RAPGEF2: variants seen among roughly 807,000 people sequenced by gnomAD.
RAPGEF2 encodes PDZ domain containing guanine nucleotide exchange factor (GEF) 1.
A neutral mutation model predicts 186.7 loss-of-function variants in RAPGEF2; 54 were observed. That is an observed-to-expected ratio of 0.29 (90% CI 0.23 to 0.36). RAPGEF2 has a LOEUF of 0.36. Ranked by LOEUF, RAPGEF2 falls within the 10% of genes least tolerant of loss-of-function variation. RAPGEF2 has a pLI of 1.00. For missense variants in RAPGEF2, 1,532 were observed against 2,045.0 expected (o/e 0.75, Z 4.84); for synonymous variants, 712 against 705.9 (o/e 1.01, Z -0.14).
At chr4:159,131,519 A>ATTGGTTTTTTTTT in intron 1 of RAPGEF2, among the ~76,000 whole-genome samples, 2 of 37,214 alleles carry the variant, frequency 5.4e-5, no homozygotes, top group African/African-American at 2.4e-4. Flanking sequence ...ATTAATTGCT[A>ATTGGTTTTTTTTT]TTTTTTTTTT....
intron 4 of RAPGEF2, among the ~76,000 whole-genome samples, chr4:159,215,147 G>A (rs983978305): frequency 2.0e-5 from 3 of 151,898 alleles, no homozygotes; most frequent in Non-Finnish European, 4.4e-5. Context: ...ACAGGTGTGA[G>A]CCACTGCCAG....
chr4:159,109,575 A>T lies in RAPGEF2; in HGVS notation c.69+5344A>T, dbSNP rs2111056595. On this transcript the variant is annotated intron_variant, in intron 1 of 29. Transcript: ENST00000691494. ...TATTTTATACAATTTCTATTATTTAACAGGCCTTGGGAATTCAAAGATGAA... is the reference window on the plus strand; with the variant it reads ...TATTTTATACAATTTCTATTATTTATCAGGCCTTGGGAATTCAAAGATGAA... 2.0e-5 allele frequency among the ~76,000 whole-genome samples: 3 copies of T among 152,302 alleles called. 1 individual carries two copies. The Middle Eastern group carries it at 0.01, about 518-fold the overall frequency.
chr4:159,128,138 G>C (rs147917615), intron 1 of RAPGEF2, among the ~76,000 whole-genome samples: 1,584 of 152,040 alleles, frequency 0.01, 28 homozygotes, highest in African/African-American at 0.035. Context: ...TAAATTGTAC[G>C]TTCTATTTCA....
At chr4:159,126,774 G>A (rs549540872) in intron 1 of RAPGEF2, among the ~76,000 whole-genome samples, 3 of 152,188 alleles carry the variant, frequency 2.0e-5, no homozygotes, top group South Asian at 4.2e-4. Flanking sequence ...AGAGCTACAA[G>A]AGGAAAAATG....
intron 3 of RAPGEF2, among the ~76,000 whole-genome samples, chr4:159,200,052 C>G (rs1346091818): frequency 1.3e-5 from 2 of 151,918 alleles, no homozygotes; most frequent in Non-Finnish European, 2.9e-5. Flanking sequence ...TGTAATCTCT[C>G]TCTCTCTCTA....
In RAPGEF2 at chr4:159,124,088, C is replaced by T. The variant is rs1401824975; in HGVS notation, c.69+19857C>T. ...CCAGGCTGTTCTCAACTCCTGACCT[C>T]AGGTGATCTGCCTGCCTCCATCTCC... On this transcript the variant is annotated intron_variant, in intron 1 of 29. Transcript: ENST00000691494. 6.6e-5 allele frequency among the ~76,000 whole-genome samples: 10 copies of T among 151,560 alleles called. No homozygotes were observed. In the East Asian group the frequency reaches 2.0e-3, roughly 30 times the overall value.
chr4:159,331,509 G>C lies in RAPGEF2; in HGVS notation c.1546G>C (p.Glu516Gln). The C allele has an allele frequency of 6.2e-7, 1 of 1,613,190 alleles. No homozygotes were observed. The highest frequency in any genetic ancestry group is 2.2e-5 in the East Asian group (1 of 44,856). The change falls in exon 14 of 30, where the codon GAA becomes CAA. Residue 516 changes from glutamate (E) to glutamine (Q), a missense_variant. Glu to Gln is a conservative substitution (Grantham distance 29). Transcript: ENST00000691494. ...AGATCCTGCAATGACTCGATTTTTA[G>C]AAGAATTTGAAAACAATCTGGAAAG... ...EGDPAMTRFL[E>Q]EFENNLEREK...
chr4:159,185,109 G>T (rs184184533), intron 1 of RAPGEF2, among the ~76,000 whole-genome samples: 1 of 152,152 alleles, frequency 6.6e-6, no homozygotes, highest in Non-Finnish European at 1.5e-5. Flanking sequence ...TTGGGGAAAT[G>T]CAAGTCAATA....
intron 3 of RAPGEF2, among the ~76,000 whole-genome samples, chr4:159,201,466 C>A (rs1482440254): frequency 2.0e-5 from 3 of 152,146 alleles, no homozygotes; most frequent in Non-Finnish European, 2.9e-5. Context: ...ACATTGAAAA[C>A]CTCTGATCTC....
intron 26 of RAPGEF2, chr4:159,352,307 A>G (rs1580067365): frequency 1.2e-5 from 2 of 166,690 alleles, no homozygotes; most frequent in Middle Eastern, 5.9e-3. Flanking sequence ...TGAAAACAAG[A>G]TCAGTGGCTT....
chr4:159,183,403 A>G (rs1747223151), intron 1 of RAPGEF2, among the ~76,000 whole-genome samples: 1 of 152,238 alleles, frequency 6.6e-6, no homozygotes, highest in Admixed American at 6.5e-5. Flanking sequence ...TTCACACTGT[A>G]TACAAAAATT....
intron 1 of RAPGEF2, among the ~76,000 whole-genome samples, chr4:159,163,489 A>G (rs1744939074): frequency 6.6e-6 from 1 of 152,260 alleles, no homozygotes; most frequent in African/African-American, 2.4e-5. Context: ...TGAAAATTCA[A>G]GAGCACTCTA....
chr4:159,351,348 T>C (rs1731151232), intron 26 of RAPGEF2, among the ~76,000 whole-genome samples: 1 of 152,154 alleles, frequency 6.6e-6, no homozygotes, highest in African/African-American at 2.4e-5. Context: ...TTAAATCTTA[T>C]CTGTCAGAAC....
chr4:159,305,430 C>G (rs6536408), intron 8 of RAPGEF2, among the ~76,000 whole-genome samples: 1 of 151,940 alleles, frequency 6.6e-6, no homozygotes, highest in Admixed American at 6.6e-5. Context: ...CTCTGATGAT[C>G]AGTGATATTA....
intron 4 of RAPGEF2, among the ~76,000 whole-genome samples, chr4:159,212,056 C>G (rs181569984): frequency 1.3e-5 from 2 of 152,272 alleles, no homozygotes; most frequent in East Asian, 3.9e-4. Context: ...TCATAACTCT[C>G]CTTTGAAGTG....
chr4:159,135,646 C>T (rs1235078536), intron 1 of RAPGEF2, among the ~76,000 whole-genome samples: 1 of 152,132 alleles, frequency 6.6e-6, no homozygotes, highest in African/African-American at 2.4e-5. Context: ...TTCACCCAGG[C>T]TAGAGTGCAA....
chr4:159,265,755 C>T (rs1041138349), intron 7 of RAPGEF2, among the ~76,000 whole-genome samples: 5 of 151,914 alleles, frequency 3.3e-5, no homozygotes, highest in African/African-American at 4.8e-5. Flanking sequence ...CCAGACAGTT[C>T]CTTAAGGAGA....
intron 1 of RAPGEF2, among the ~76,000 whole-genome samples, chr4:159,113,127 A>G (rs1222205831): frequency 2.6e-5 from 4 of 152,194 alleles, no homozygotes; most frequent in African/African-American, 7.2e-5. Context: ...ATGCCCAAGA[A>G]CTGCCACACA....
At chr4:159,302,399 C>A (rs910985039) in intron 7 of RAPGEF2, among the ~76,000 whole-genome samples, 13 of 152,080 alleles carry the variant, frequency 8.5e-5, no homozygotes, top group African/African-American at 3.1e-4. Flanking sequence ...AAAAGATAAT[C>A]AATAGAAATC....
Sources: allele counts gnomAD v4.1 joint callset (sites outside exome capture counted in the v4.1 genomes callset), GRCh38; gene constraint gnomAD v4.1.1; transcripts MANE v1.5; gene names NCBI Gene and HGNC (gene_info 2026-07-23, HGNC 2026-07-21).